Variants in ASTN1 observed in about 807,000 individuals in gnomAD.
The protein encoded by ASTN1 is astrotactin 1.
A neutral mutation model predicts 140.7 loss-of-function variants in ASTN1; 41 were observed. The ratio of observed to expected loss-of-function variants is 0.29; its 90% CI spans 0.23 to 0.38. ASTN1 has a LOEUF of 0.38. Among genes scored for constraint, ASTN1 ranks in the 10% least tolerant of loss-of-function variants. ASTN1 has a pLI of 1.00. For missense variants in ASTN1, 1,479 were observed against 1,678.8 expected (o/e 0.88, Z 2.08); for synonymous variants, 640 against 652.2 (o/e 0.98, Z 0.29).
At chr1:177,145,966 C>T (rs1682703878) in intron 1 of ASTN1, among the ~76,000 whole-genome samples, 1 of 152,126 alleles carries the variant, frequency 6.6e-6, no homozygotes, top group African/African-American at 2.4e-5. Context: ...AGAGCATTTG[C>T]TTATGTGGGG....
intron 1 of ASTN1, among the ~76,000 whole-genome samples, chr1:177,065,678 G>A (rs913481236): frequency 1.3e-5 from 2 of 152,152 alleles, no homozygotes; most frequent in African/African-American, 4.8e-5. Context: ...CTGCAGGGGG[G>A]ATGAGGTGGA....
At chr1:176,974,640 C>T (rs1455328799) in intron 8 of ASTN1, among the ~76,000 whole-genome samples, 1 of 152,154 alleles carries the variant, frequency 6.6e-6, no homozygotes, top group African/African-American at 2.4e-5. Context: ...CTGCCTTGGC[C>T]TCCCAAAGTG....
intron 8 of ASTN1, among the ~76,000 whole-genome samples, chr1:176,993,778 C>T (rs1674301568): frequency 6.6e-6 from 1 of 152,198 alleles, no homozygotes; most frequent in African/African-American, 2.4e-5. Flanking sequence ...GATGCTCCCT[C>T]CTCATTCATT....
intron 8 of ASTN1, among the ~76,000 whole-genome samples, chr1:177,006,731 A>G (rs1571638676): frequency 6.6e-6 from 1 of 152,280 alleles, no homozygotes; most frequent in South Asian, 2.1e-4. Flanking sequence ...GTTTAAAATA[A>G]GTCTCTTGGT....
intron 2 of ASTN1, among the ~76,000 whole-genome samples, chr1:177,038,714 T>C (rs1049937946): frequency 6.6e-6 from 1 of 152,226 alleles, no homozygotes; most frequent in Non-Finnish European, 1.5e-5. Context: ...GCATTTTTTT[T>C]CAGTGGTCAC....
intron 16 of ASTN1, among the ~76,000 whole-genome samples, chr1:176,933,727 G>C (rs1275151510): frequency 1.3e-5 from 2 of 152,148 alleles, no homozygotes; most frequent in South Asian, 4.1e-4. Context: ...GCAAGAAGGG[G>C]TTTACTATGT....
At chr1:177,089,569 G>T (rs1474017692) in intron 1 of ASTN1, among the ~76,000 whole-genome samples, 1 of 151,998 alleles carries the variant, frequency 6.6e-6, no homozygotes, top group Non-Finnish European at 1.5e-5. Context: ...GGGTACACAT[G>T]TTTGCACACT....
chr1:177,139,631 A>T (rs12032400), intron 1 of ASTN1, among the ~76,000 whole-genome samples: 23,415 of 152,200 alleles, frequency 0.15, 3,619 homozygotes, highest in African/African-American at 0.4. Context: ...GTGGATTTTT[A>T]GTATTTATCT....
At chr1:176,873,949 G>T (rs554458400) in intron 21 of ASTN1, among the ~76,000 whole-genome samples, 1 of 152,172 alleles carries the variant, frequency 6.6e-6, no homozygotes, top group East Asian at 1.9e-4. Context: ...TTCCCTATAT[G>T]GGCCACTCTT....
At chr1:177,061,300 T>C (rs2102033696) in intron 1 of ASTN1, 35 bp from the exon 2 acceptor site, 1 of 1,455,730 alleles carries the variant, frequency 6.9e-7, no homozygotes, top group Non-Finnish European at 9.1e-7. Context: ...AGGTGAGAAT[T>C]AGGATGGGAC....
chr1:177,152,742 A>C (rs1683092317), intron 1 of ASTN1, among the ~76,000 whole-genome samples: 1 of 152,266 alleles, frequency 6.6e-6, no homozygotes, highest in Non-Finnish European at 1.5e-5. Context: ...AGCCAGTTAA[A>C]GTTTATACGG....
chr1:176,890,719 C>T (rs1669223108), intron 17 of ASTN1, among the ~76,000 whole-genome samples: 1 of 152,210 alleles, frequency 6.6e-6, no homozygotes, highest in South Asian at 2.1e-4. Context: ...TCAATTCACA[C>T]CACTCCATAA....
rs913768604 is a variant in ASTN1 at position 176,861,560 on chromosome 1, G to GA, written c.*2723dup. On this transcript the variant is annotated 3_prime_UTR_variant, in exon 23 of 23. Transcript: ENST00000361833. ...TGAGATCAATAGTGTCTTCCAAGGG[G>GA]AAAAAATCCTCCAGTCAATTGTACA... 3.1e-4 allele frequency: 301 copies of GA among 985,590 alleles called. No individual in the cohort carries two copies. Among genetic ancestry groups the GA allele is most frequent in the Non-Finnish European group, 3.5e-4 (288 of 829,946 alleles). The allele number at this position is 985,590 out of a possible 1,614,324, so 61.1% of individuals were successfully genotyped here. A position where few individuals can be genotyped will look rare whatever the true frequency, so the allele number is the denominator to read the frequency against.
intron 1 of ASTN1, among the ~76,000 whole-genome samples, chr1:177,070,568 AC>A (rs1678587822): frequency 1.5e-5 from 1 of 66,588 alleles, no homozygotes; most frequent in Non-Finnish European, 2.9e-5. Context: ...CTAAGATTCA[AC>A]TCAACAAGTA....
At chr1:176,987,440 C>T (rs182771084) in intron 8 of ASTN1, among the ~76,000 whole-genome samples, 5 of 152,216 alleles carry the variant, frequency 3.3e-5, no homozygotes, top group African/African-American at 9.6e-5. Context: ...CCTATAATAC[C>T]GTATTCATCA....
intron 2 of ASTN1, among the ~76,000 whole-genome samples, chr1:177,047,555 A>G (rs1677302207): frequency 6.6e-6 from 1 of 152,186 alleles, no homozygotes. Context: ...ATTCAGCCTG[A>G]TGGTGGTTGA....
intron 8 of ASTN1, among the ~76,000 whole-genome samples, chr1:176,992,340 C>T (rs1373641630): frequency 1.3e-5 from 2 of 151,798 alleles, no homozygotes; most frequent in Non-Finnish European, 2.9e-5. Flanking sequence ...TACTTCTCCA[C>T]AGTGTTAATT....
Position 176,942,857 on chromosome 1 carries a change from TATATATATAG to T in ASTN1, c.2377+1024_2377+1033del, listed in dbSNP as rs1557978133. ...ATATGTATATATATATATATATATA[TATATATATAG>T]ATTGATGTCTCATGTCTCCTTAAAA... On this transcript the variant is annotated intron_variant, in intron 14 of 22. Coordinates refer to ENST00000361833, the MANE Select transcript of ASTN1 (RefSeq NM_004319.3). Among the ~76,000 whole-genome samples the T allele has an allele frequency of 2.8e-4, 28 of 98,684 alleles. 1 individual carries two copies. Among genetic ancestry groups the T allele is most frequent in the African/African-American group, 1.0e-3 (28 of 27,606 alleles). The allele number at this position is 98,684 out of a possible 152,430, so 64.7% of individuals were successfully genotyped here.
chr1:176,870,832 C>T (rs1050820274), intron 21 of ASTN1, among the ~76,000 whole-genome samples: 1 of 152,114 alleles, frequency 6.6e-6, no homozygotes, highest in African/African-American at 2.4e-5. Flanking sequence ...ATGGTATCTC[C>T]AGTTGTTTAT....
Sources: allele counts gnomAD v4.1 joint callset (sites outside exome capture counted in the v4.1 genomes callset), GRCh38; gene constraint gnomAD v4.1.1; transcripts MANE v1.5; gene names NCBI Gene and HGNC (gene_info 2026-07-23, HGNC 2026-07-21).